Variants in ZNF804B observed in about 807,000 individuals in gnomAD.
ZNF804B encodes zinc finger protein 804B.
ZNF804B carries 80 observed loss-of-function variants against 101.4 expected under a neutral mutation model. The ratio of observed to expected loss-of-function variants is 0.79; its 90% CI spans 0.66 to 0.95. ZNF804B has a LOEUF of 0.95. Ranked by LOEUF, ZNF804B falls within the 40% of genes least tolerant of loss-of-function variation. The pLI is 0.00. For synonymous variants in ZNF804B, 622 were observed against 558.8 expected (o/e 1.11, Z -1.59); for missense variants, 1,673 against 1,561.9 (o/e 1.07, Z -1.20).
At chr7:89,016,654 G>A (rs1788566641) in intron 1 of ZNF804B, among the ~76,000 whole-genome samples, 1 of 151,714 alleles carries the variant, frequency 6.6e-6, no homozygotes, top group African/African-American at 2.4e-5. Flanking sequence ...TTGTAGATAT[G>A]TGGCATTATT....
rs540395136 is a variant in ZNF804B, at chr7:88,875,469, A to G, written c.108+115385A>G. Among the ~76,000 whole-genome samples the G allele has an allele frequency of 2.4e-4, 36 of 152,342 alleles. No individual in the cohort carries two copies. In the East Asian group the frequency reaches 6.6e-3, roughly 28 times the overall value. On this transcript the variant is annotated intron_variant, in intron 1 of 3. Coordinates refer to ENST00000333190, the MANE Select transcript of ZNF804B (RefSeq NM_181646.5). ...TCAAATAGACGCAATAAAAAATCAT[A>G]AAGGAGATATCACCACCGATCCCAC...
At chr7:89,136,824 C>T (rs1447886101) in intron 1 of ZNF804B, among the ~76,000 whole-genome samples, 1 of 151,836 alleles carries the variant, frequency 6.6e-6, no homozygotes, top group Non-Finnish European at 1.5e-5. Context: ...TGAATTCCCA[C>T]AAGTTGTAGG....
intron 1 of ZNF804B, among the ~76,000 whole-genome samples, chr7:89,067,355 C>T (rs1789469626): frequency 6.6e-6 from 1 of 152,142 alleles, no homozygotes; most frequent in Admixed American, 6.5e-5. Flanking sequence ...GAGTTAGGCC[C>T]ATCCAGGATA....
intron 1 of ZNF804B, among the ~76,000 whole-genome samples, chr7:89,120,671 A>AAAAAAT (rs1306096874): frequency 6.6e-6 from 1 of 151,776 alleles, no homozygotes; most frequent in African/African-American, 2.4e-5. Flanking sequence ...AAAAAAAAAA[A>AAAAAAT]AAATTAAAAA....
chr7:88,909,372 G>A (rs576532884), intron 1 of ZNF804B, among the ~76,000 whole-genome samples: 26 of 151,908 alleles, frequency 1.7e-4, no homozygotes, highest in East Asian at 7.7e-4. Context: ...ATGGAAATGC[G>A]TAAGGATGAA....
At chr7:89,074,881 T>G (rs1583971558) in intron 1 of ZNF804B, among the ~76,000 whole-genome samples, 1 of 152,160 alleles carries the variant, frequency 6.6e-6, no homozygotes, top group Non-Finnish European at 1.5e-5. Flanking sequence ...CAGATGGAGA[T>G]GAGGAACTTG....
chr7:88,796,255 A>T (rs1187246157), intron 1 of ZNF804B, among the ~76,000 whole-genome samples: 3 of 152,138 alleles, frequency 2.0e-5, no homozygotes, highest in South Asian at 2.1e-4. Flanking sequence ...CCTAAGAATA[A>T]TTTTTTCCCT....
chr7:89,264,105 A>G (rs2115820650), intron 2 of ZNF804B, among the ~76,000 whole-genome samples: 1 of 151,806 alleles, frequency 6.6e-6, no homozygotes, highest in South Asian at 2.1e-4. Flanking sequence ...CCACAACCAT[A>G]CCTACCTTCC....
chr7:88,896,564 G>T (rs1288077889), intron 1 of ZNF804B, among the ~76,000 whole-genome samples: 1 of 152,042 alleles, frequency 6.6e-6, no homozygotes, highest in Non-Finnish European at 1.5e-5. Context: ...TATACTTCAT[G>T]TATGATTTTG....
At chr7:89,122,599 C>T (rs958359102) in intron 1 of ZNF804B, among the ~76,000 whole-genome samples, 1 of 152,138 alleles carries the variant, frequency 6.6e-6, no homozygotes, top group Admixed American at 6.5e-5. Flanking sequence ...TCCAGTGACC[C>T]ATTAATGCTT....
chr7:88,861,740 G>A (rs1791649809), intron 1 of ZNF804B, among the ~76,000 whole-genome samples: 1 of 152,046 alleles, frequency 6.6e-6, no homozygotes, highest in South Asian at 2.1e-4. Context: ...TTCAAAATAA[G>A]TATCTTAAAG....
At chr7:89,106,614 C>T (rs992458804) in intron 1 of ZNF804B, among the ~76,000 whole-genome samples, 1 of 152,086 alleles carries the variant, frequency 6.6e-6, no homozygotes, top group East Asian at 1.9e-4. Flanking sequence ...AGAAGCCATT[C>T]TTTAAGAAAG....
In ZNF804B at chr7:88,831,254, C is replaced by G. The variant is rs1054233678; in HGVS notation, c.108+71170C>G. On this transcript the variant is annotated intron_variant, in intron 1 of 3. Transcript: ENST00000333190. Reference sequence around the variant, plus strand: ...AAATTTTCCAACTTTAGGTAAAGACCAACCTACTTTCTATTGCTAAGGATT... The same window carrying G: ...AAATTTTCCAACTTTAGGTAAAGACGAACCTACTTTCTATTGCTAAGGATT... 2.0e-5 allele frequency among the ~76,000 whole-genome samples: 3 copies of G among 151,818 alleles called. No homozygotes were observed. The East Asian group carries it at 5.8e-4, about 29-fold the overall frequency.
At chr7:89,164,778 T>G (rs1791116774) in intron 1 of ZNF804B, among the ~76,000 whole-genome samples, 3 of 152,168 alleles carry the variant, frequency 2.0e-5, no homozygotes. Context: ...CATAACATTA[T>G]GTTGCTGTCT....
intron 2 of ZNF804B, among the ~76,000 whole-genome samples, chr7:89,326,700 GA>G (rs1205505385): frequency 6.6e-6 from 1 of 152,022 alleles, no homozygotes; most frequent in Non-Finnish European, 1.5e-5. Flanking sequence ...AATTGTTTTA[GA>G]GAAAATATTA....
intron 1 of ZNF804B, among the ~76,000 whole-genome samples, chr7:89,149,787 G>A (rs1790844001): frequency 6.6e-6 from 1 of 151,290 alleles, no homozygotes; most frequent in Admixed American, 6.6e-5. Context: ...ATTGGCAGGA[G>A]CAAGAGGCTT....
intron 2 of ZNF804B, among the ~76,000 whole-genome samples, chr7:89,236,023 T>G (rs1296134173): frequency 6.6e-6 from 1 of 152,170 alleles, no homozygotes; most frequent in East Asian, 1.9e-4. Context: ...TCCCAAATTT[T>G]TGTAGCTTCT....
At chr7:89,038,850 A>C (rs1167285672) in intron 1 of ZNF804B, among the ~76,000 whole-genome samples, 2 of 152,098 alleles carry the variant, frequency 1.3e-5, no homozygotes, top group African/African-American at 4.8e-5. Flanking sequence ...TGTGATACAA[A>C]GGTACAATTT....
intron 2 of ZNF804B, among the ~76,000 whole-genome samples, chr7:89,271,004 A>G (rs905913800): frequency 1.3e-5 from 2 of 152,178 alleles, no homozygotes; most frequent in East Asian, 1.9e-4. Flanking sequence ...CAATCATGTC[A>G]TCTGCAAACA....
Sources: gnomAD v4.1 joint callset for allele counts (sites outside exome capture counted in the v4.1 genomes callset) on GRCh38, gnomAD v4.1.1 for gene constraint, MANE v1.5 for transcripts, NCBI Gene and HGNC (gene_info 2026-07-23, HGNC 2026-07-21) for gene names.